Variants in ZNF708 observed in about 807,000 individuals in gnomAD.
ZNF708 encodes the protein ZNF15, ZNF15L1.
Under a neutral mutation model 47.0 loss-of-function variants are expected in ZNF708, and 44 were observed. The ratio of observed to expected loss-of-function variants is 0.94; its 90% CI spans 0.74 to 1.20. The LOEUF (loss-of-function observed/expected upper bound fraction) is 1.20, where lower values mean the gene tolerates loss of function less well. ZNF708 is among the 50% of genes most tolerant of loss of function. The pLI, the probability that ZNF708 is intolerant of heterozygous loss-of-function variation, is 0.00. For missense variants in ZNF708, 557 were observed against 656.0 expected, an observed-to-expected ratio of 0.85 and a Z score of 1.65; for synonymous variants, 184 against 218.5, an observed-to-expected ratio of 0.84 and a Z score of 1.39.
intron 3 of ZNF708, among the ~76,000 whole-genome samples, chr19:21,303,756 T>C (rs1972704811): frequency 6.6e-6 from 1 of 151,838 alleles, no homozygotes; most frequent in Non-Finnish European, 1.5e-5. Context: ...TTGGGTAAGG[T>C]AGTTATAATT....
At chr19:21,325,819 T>C (rs1973245154) in intron 1 of ZNF708, among the ~76,000 whole-genome samples, 1 of 152,124 alleles carries the variant, frequency 6.6e-6, no homozygotes, top group African/African-American at 2.4e-5. Context: ...TCTATACGTC[T>C]GACAAAGGAC....
chr19:21,314,667 A>T (rs568940067), intron 1 of ZNF708, among the ~76,000 whole-genome samples: 89 of 152,318 alleles, frequency 5.8e-4, no homozygotes, highest in South Asian at 2.3e-3. Context: ...CAATCAGTTT[A>T]TCTGCTTGAG....
intron 3 of ZNF708, among the ~76,000 whole-genome samples, chr19:21,307,995 T>C (rs1972820349): frequency 6.6e-6 from 1 of 151,996 alleles, no homozygotes; most frequent in Non-Finnish European, 1.5e-5. Context: ...GAAAGCAATA[T>C]TATTTATAAT....
chr19:21,298,524 T>TTCTGAAGAAATAGAAACAGCA (rs1972590291), intron 3 of ZNF708, among the ~76,000 whole-genome samples: 1 of 151,996 alleles, frequency 6.6e-6, no homozygotes, highest in Non-Finnish European at 1.5e-5. Context: ...CTTATTGCAC[T>TTCTGAAGAAATAGAAACAGCA]TCTGAAGAAA....
chr19:21,294,193 C>A lies in ZNF708; in HGVS notation c.773G>T (p.Gly258Val), dbSNP rs747571928. The change falls in exon 4 of 4, where the codon GGC (glycine) becomes GTC (valine). Residue 258 changes from glycine (G) to valine (V), a missense_variant. Coordinates refer to ENST00000356929, the MANE Select transcript of ZNF708 (RefSeq NM_021269.3). ...GTTTGAGGACCGGTTAAAAGCTTTG[C>A]CACATTCTTCACATTTGTAGAGTTT... ...GEKLYKCEEC[G>V]KAFNRSSNLT... 8.7e-6 allele frequency: 14 copies of A among 1,612,690 alleles called. No homozygotes were observed. The Admixed American group carries it at 2.0e-4, about 23-fold the overall frequency.
At chr19:21,328,864 T>C (rs931870740) in intron 1 of ZNF708, among the ~76,000 whole-genome samples, 1 of 152,124 alleles carries the variant, frequency 6.6e-6, no homozygotes, top group Non-Finnish European at 1.5e-5. Flanking sequence ...CCAAAGCTCT[T>C]CCCATTCATG....
chr19:21,310,502 C>T lies in ZNF708; in HGVS notation c.129G>A (p.Leu43=), dbSNP rs1972876162. ...AAAAAAAAAAAAACTTATCCTCACC[C>T]AGGAATACCAGGTTTCTATAATTCT... ...MLENYRNLVF[L]GIAVSNLDLI... is the part of the protein sequence containing the mutation. The change falls in exon 2 of 4, where the codon CTG becomes CTA. Residue 43 remains leucine, a splice_region_variant and synonymous_variant. Transcript: ENST00000356929. The T allele has an allele frequency of 7.2e-7, 1 of 1,382,488 alleles. No individual in the cohort carries two copies. Among genetic ancestry groups the T allele is most frequent in the Non-Finnish European group, 9.4e-7 (1 of 1,063,188 alleles). The allele number at this position is 1,382,488 out of a possible 1,614,324, so 85.6% of individuals were successfully genotyped here. A position where few individuals can be genotyped will look rare whatever the true frequency, so the allele number is the denominator to read the frequency against.
At chr19:21,316,673 G>A (rs1006253294) in intron 1 of ZNF708, among the ~76,000 whole-genome samples, 75 of 152,158 alleles carry the variant, frequency 4.9e-4, no homozygotes, top group Admixed American at 3.9e-3. Context: ...GAGTCCCTGA[G>A]GCTGGGCACG....
chr19:21,307,003 C>A (rs1972781992), intron 3 of ZNF708: 1 of 133,434 alleles, frequency 7.5e-6, no homozygotes, highest in Admixed American at 7.5e-5. Context: ...CATAACATAA[C>A]ATAACATAAA....
At chr19:21,313,635 G>A (rs1972946776) in intron 1 of ZNF708, among the ~76,000 whole-genome samples, 1 of 151,924 alleles carries the variant, frequency 6.6e-6, no homozygotes, top group Non-Finnish European at 1.5e-5. Flanking sequence ...GTGGGTGCCT[G>A]TAATCCCAGA....
At chr19:21,321,384 T>C (rs1471332528) in intron 1 of ZNF708, among the ~76,000 whole-genome samples, 1 of 151,870 alleles carries the variant, frequency 6.6e-6, no homozygotes, top group African/African-American at 2.4e-5. Flanking sequence ...GGTCAGGAGT[T>C]CGAGACCAGT....
intron 1 of ZNF708, among the ~76,000 whole-genome samples, chr19:21,319,670 A>G (rs1599688312): frequency 6.6e-6 from 1 of 152,042 alleles, no homozygotes; most frequent in African/African-American, 2.4e-5. Flanking sequence ...TGCTTTTCCA[A>G]ACAAGACATA....
chr19:21,328,865 C>G (rs1973314089), intron 1 of ZNF708, among the ~76,000 whole-genome samples: 1 of 152,180 alleles, frequency 6.6e-6, no homozygotes, highest in Admixed American at 6.5e-5. Flanking sequence ...CAAAGCTCTT[C>G]CCATTCATGA....
chr19:21,305,014 A>G (rs1238540321), intron 3 of ZNF708, among the ~76,000 whole-genome samples: 1 of 151,758 alleles, frequency 6.6e-6, no homozygotes, highest in Non-Finnish European at 1.5e-5. Context: ...TCTTCAACAG[A>G]TTCTTTTTTT....
At chr19:21,323,101 G>C (rs1265855179) in intron 1 of ZNF708, among the ~76,000 whole-genome samples, 1 of 151,920 alleles carries the variant, frequency 6.6e-6, no homozygotes, top group Non-Finnish European at 1.5e-5. Flanking sequence ...GAAAGGTGGG[G>C]AAAGATGACA....
At chr19:21,327,316 G>T (rs1429709328) in intron 1 of ZNF708, among the ~76,000 whole-genome samples, 2 of 151,980 alleles carry the variant, frequency 1.3e-5, no homozygotes, top group Non-Finnish European at 2.9e-5. Context: ...GATCACCTGA[G>T]GTCTGGAGTT....
intron 1 of ZNF708, among the ~76,000 whole-genome samples, chr19:21,321,349 A>T (rs1231701387): frequency 2.0e-5 from 3 of 152,070 alleles, no homozygotes; most frequent in African/African-American, 4.8e-5. Context: ...CCACATTGGG[A>T]GACCAAGGCA....
rs745356923 is a variant in ZNF708, at chr19:21,293,466, T to C, written c.1500A>G (p.Gly500=). 14 of 1,613,534 alleles carry C rather than the reference T, an allele frequency of 8.7e-6. No individual in the cohort carries two copies. The highest frequency in any genetic ancestry group is 6.7e-5 in the Admixed American group (4 of 59,974). ...ATTCTTTACATTTGTAGGGTTTCTC[T>C]CCAGTATGAATTATCTTATGTGTAG... ...HLTTHKIIHT[G]EKPYKCKECG... The change falls in exon 4 of 4, where the codon GGA becomes GGG. Residue 500 remains glycine, a synonymous_variant. Coordinates refer to ENST00000356929, the MANE Select transcript of ZNF708 (RefSeq NM_021269.3).
rs751437295 is a variant in ZNF708 at position 21,309,309 on chromosome 19, A to G, written c.163T>C (p.Cys55Arg). Residue 55 changes from cysteine to arginine, a missense_variant, in exon 3 of 4, where the codon TGT becomes CGT. Coordinates refer to ENST00000356929, the MANE Select transcript of ZNF708 (RefSeq NM_021269.3). The stretch of plus-strand genomic sequence containing the variant: ...CAGGGCTCTTTTCCTTGCTCCAGAC[A>G]GGTGATCAGGTCTAAATTAGACACA... ...IAVSNLDLIT[C>R]LEQGKEPWNM... The G allele has an allele frequency of 7.7e-5, 123 of 1,602,062 alleles. No individual in the cohort carries two copies. Among genetic ancestry groups the G allele is most frequent in the Non-Finnish European group, 1.0e-4 (117 of 1,174,314 alleles).
Sources: allele counts gnomAD v4.1 joint callset (sites outside exome capture counted in the v4.1 genomes callset), GRCh38; gene constraint gnomAD v4.1.1; transcripts MANE v1.5; gene names NCBI Gene and HGNC (gene_info 2026-07-23, HGNC 2026-07-21).